Variants in TBC1D31 observed in about 807,000 individuals in gnomAD.
The protein encoded by TBC1D31 is TBC1 domain family member 31, also known as WD repeat domain 67.
A neutral mutation model predicts 132.9 loss-of-function variants in TBC1D31; 99 were observed. The ratio of observed to expected loss-of-function variants is 0.74; its 90% CI spans 0.63 to 0.88. The LOEUF is 0.88. Ranked by LOEUF, TBC1D31 falls within the 40% of genes least tolerant of loss-of-function variation. TBC1D31 has a pLI of 0.00. For missense variants in TBC1D31, 1,134 were observed against 1,256.6 expected (o/e 0.90, Z 1.48); for synonymous variants, 385 against 419.4 (o/e 0.92, Z 1.00).
chr8:123,157,316 T>A, the TBC1D31 span, among the ~76,000 whole-genome samples: 1 of 152,150 alleles, frequency 6.6e-6, no homozygotes, highest in Admixed American at 6.5e-5. Flanking sequence ...TAGTAAGGGT[T>A]TCCGGACGGA....
chr8:123,087,633 G>A (rs1242131336), intron 4 of TBC1D31, among the ~76,000 whole-genome samples: 3 of 152,174 alleles, frequency 2.0e-5, no homozygotes, highest in Non-Finnish European at 2.9e-5. Flanking sequence ...TGGAAACAGA[G>A]TTATGAAACA....
intron 10 of TBC1D31, among the ~76,000 whole-genome samples, chr8:123,110,826 CT>C (rs1383715560): frequency 1.3e-5 from 2 of 152,232 alleles, no homozygotes; most frequent in East Asian, 3.9e-4. Flanking sequence ...TAAAAATTTT[CT>C]TATGTAAACT....
In TBC1D31 at chr8:123,108,388, A is replaced by G. The variant is rs1053333353; in HGVS notation, c.1210-929A>G. Among the ~76,000 whole-genome samples, 6 of 152,190 alleles carry G rather than the reference A, an allele frequency of 3.9e-5. No individual in the cohort carries two copies. In the South Asian group the frequency reaches 1.2e-3, roughly 31 times the overall value. ...GACTTTAAAGTCTTAGATATAAGGG[A>G]CTATCAGCAGGAGCTGATGTCTGTT... On this transcript the variant is annotated intron_variant, in intron 8 of 21. Coordinates refer to ENST00000287380, the MANE Select transcript of TBC1D31 (RefSeq NM_145647.4).
chr8:123,087,587 G>C (rs373227109), intron 4 of TBC1D31, among the ~76,000 whole-genome samples: 1 of 152,152 alleles, frequency 6.6e-6, no homozygotes, highest in African/African-American at 2.4e-5. Flanking sequence ...TGAATTTTAA[G>C]TTCCAAAGAA....
At position 123,084,189 on chromosome 8, in the gene TBC1D31, G is replaced by A; in HGVS notation, c.368G>A (p.Arg123Lys). ...ACCAAGGAGCTAGTTAGCTGGATGAGAGGACATGAATCATCAGTATTTTCG... is the reference window on the plus strand; with the variant it reads ...ACCAAGGAGCTAGTTAGCTGGATGAAAGGACATGAATCATCAGTATTTTCG... The part of the protein sequence containing the change: ...TVTKELVSWM[R>K]GHESSVFSIS... Residue 123 changes from arginine to lysine, a missense_variant, in exon 4 of 22, where the codon AGA (arginine) becomes AAA (lysine). Coordinates refer to ENST00000287380, the MANE Select transcript of TBC1D31 (RefSeq NM_145647.4). 1 of 1,614,148 alleles carries A rather than the reference G, an allele frequency of 6.2e-7. No individual in the cohort carries two copies. Among genetic ancestry groups the A allele is most frequent in the Non-Finnish European group, 8.5e-7 (1 of 1,180,026 alleles).
In TBC1D31 at chr8:123,130,172, T is replaced by A. The variant is rs748475119; in HGVS notation, c.2271-26T>A. ...TCATATTAGGAATTGCTGTATTTGT[T>A]CCACTTGATGTATTTTGTATTTAAG... On this transcript the variant is annotated intron_variant, in intron 15 of 21. Transcript: ENST00000287380. 15 of 1,595,594 alleles carry A rather than the reference T, an allele frequency of 9.4e-6. No individual in the cohort carries two copies. The South Asian group carries it at 1.7e-4, about 18-fold the overall frequency.
chr8:123,154,305 G>A (rs886539845), downstream of TBC1D31, among the ~76,000 whole-genome samples: 12 of 152,180 alleles, frequency 7.9e-5, no homozygotes, highest in African/African-American at 2.7e-4. Context: ...CTATGAAGAC[G>A]TAAAGAGAAC....
chr8:123,117,063 C>G (rs1455598160), intron 10 of TBC1D31, among the ~76,000 whole-genome samples: 1 of 152,140 alleles, frequency 6.6e-6, no homozygotes, highest in Admixed American at 6.5e-5. Context: ...GCCTGCAATC[C>G]CAGCACTTTG....
chr8:123,100,898 G>T lies in TBC1D31; in HGVS notation c.923G>T (p.Gly308Val). The change falls in exon 7 of 22, where the codon GGA becomes GTA. Residue 308 changes from glycine (G) to valine (V), a missense_variant. Coordinates refer to ENST00000287380, the MANE Select transcript of TBC1D31 (RefSeq NM_145647.4). ...TTTGAGATTGGGAGCCTCGATGAAG[G>T]AATTAGCTCATCAGCAATTAGCCCA... ...LLFEIGSLDE[G>V]ISSSAISPHG... The T allele has an allele frequency of 1.2e-6, 2 of 1,613,860 alleles. No homozygotes were observed. The highest frequency in any genetic ancestry group is 1.7e-6 in the Non-Finnish European group (2 of 1,179,846).
rs908555352 is a variant in TBC1D31 at position 123,150,030 on chromosome 8, T to A, written c.2975-6T>A. On this transcript the variant is annotated splice_region_variant and splice_polypyrimidine_tract_variant and intron_variant, in intron 20 of 21. Coordinates refer to ENST00000287380, the MANE Select transcript of TBC1D31 (RefSeq NM_145647.4). ...CATCATCTTAATCTCCTCACTTTTA[T>A]AACAGAAGAACCCAGGTTCCAAAAT... 2 of 1,611,576 alleles carry A rather than the reference T, an allele frequency of 1.2e-6. No homozygotes were observed. Among genetic ancestry groups the A allele is most frequent in the African/African-American group, 2.7e-5 (2 of 74,910 alleles).
chr8:123,072,953 C>A (rs928830994), intron 1 of TBC1D31, 107 bp downstream of exon 1: 19 of 1,157,432 alleles, frequency 1.6e-5, no homozygotes, highest in Non-Finnish European at 2.4e-5. Context: ...GACCTTGCCC[C>A]GCATCCCTGG....
intron 17 of TBC1D31, among the ~76,000 whole-genome samples, chr8:123,135,883 T>A (rs907834726): frequency 6.6e-6 from 1 of 152,198 alleles, no homozygotes; most frequent in African/African-American, 2.4e-5. Context: ...AAGGGTATAA[T>A]TTTAGAACTA....
chr8:123,109,194 A>T (rs1336762498), intron 8 of TBC1D31, 123 bp from the exon 9 acceptor site: 1 of 674,688 alleles, frequency 1.5e-6, no homozygotes, highest in Non-Finnish European at 2.5e-6. Context: ...CCTATGATAC[A>T]CAAATATGTC....
intron 2 of TBC1D31, among the ~76,000 whole-genome samples, chr8:123,077,575 A>G (rs764677369): frequency 9.1e-4 from 132 of 145,792 alleles, no homozygotes; most frequent in South Asian, 1.5e-3. Flanking sequence ...TCTGTCGCCC[A>G]GGCTGGAGTG....
At chr8:123,084,088 A>G (rs1047443893) in intron 3 of TBC1D31, 74 bp from the exon 4 acceptor site, 36 of 1,271,594 alleles carry the variant, frequency 2.8e-5, no homozygotes, top group East Asian at 4.6e-5. Flanking sequence ...CAGTTCATCT[A>G]TGGTGTTTAT....
intron 10 of TBC1D31, among the ~76,000 whole-genome samples, chr8:123,113,848 G>A (rs1263098714): frequency 1.3e-5 from 2 of 151,884 alleles, no homozygotes; most frequent in Non-Finnish European, 2.9e-5. Flanking sequence ...TAAAAGGGAG[G>A]GATTATTCTA....
At chr8:123,141,096 AT>A (rs1475566313) in intron 18 of TBC1D31, among the ~76,000 whole-genome samples, 195 bp downstream of exon 18, 1 of 151,720 alleles carries the variant, frequency 6.6e-6, no homozygotes, top group Non-Finnish European at 1.5e-5. Context: ...ATCACATGAT[AT>A]GCATGTCTTT....
chr8:123,143,529 G>A (rs905642882), intron 19 of TBC1D31, among the ~76,000 whole-genome samples: 3 of 152,174 alleles, frequency 2.0e-5, no homozygotes, highest in African/African-American at 7.2e-5. Context: ...ACCCTGAGGA[G>A]CTGGGGAAAG....
chr8:123,165,049 G>T, the TBC1D31 span, among the ~76,000 whole-genome samples: 1 of 152,202 alleles, frequency 6.6e-6, no homozygotes, highest in Non-Finnish European at 1.5e-5. Flanking sequence ...AGATGATAAG[G>T]AGACCCAGGA....
Sources: gnomAD v4.1 joint callset for allele counts (sites outside exome capture counted in the v4.1 genomes callset) on GRCh38, gnomAD v4.1.1 for gene constraint, MANE v1.5 for transcripts, NCBI Gene and HGNC (gene_info 2026-07-23, HGNC 2026-07-21) for gene names.